TERT: variants seen among roughly 807,000 people sequenced by gnomAD.
The protein encoded by TERT is telomerase reverse transcriptase.
In TERT, 42 loss-of-function variants were observed where a neutral mutation model predicts 104.0. The observed-to-expected ratio is 0.40, with a 90% CI of 0.32 to 0.52. TERT has a LOEUF of 0.52. Among genes scored for constraint, TERT ranks in the 20% least tolerant of loss-of-function variants. TERT has a pLI of 0.43. For synonymous variants in TERT, 781 were observed against 725.6 expected, an observed-to-expected ratio of 1.08 and a Z score of -1.23; for missense variants, 1,101 against 1,610.3, an observed-to-expected ratio of 0.68 and a Z score of 5.41.
At chr5:1,259,422 A>G (rs1748025511) in intron 12 of TERT, among the ~76,000 whole-genome samples, 1 of 121,538 alleles carries the variant, frequency 8.2e-6, no homozygotes, top group African/African-American at 3.3e-5. Flanking sequence ...GGGGGAGTGG[A>G]CACGGACGCC....
chr5:1,279,234 T>C, intron 5 of TERT, 57 bp downstream of exon 5: 2 of 1,527,686 alleles, frequency 1.3e-6, no homozygotes, highest in Non-Finnish European at 1.8e-6. Flanking sequence ...GAGGTGCCAA[T>C]CAGGCAGCCA....
At chr5:1,289,532 G>A (rs71575531) in intron 2 of TERT, among the ~76,000 whole-genome samples, 2 of 46,814 alleles carry the variant, frequency 4.3e-5, no homozygotes, top group African/African-American at 1.1e-4. Flanking sequence ...CACGTGACAG[G>A]GACACCCGGG....
chr5:1,294,487 C>G lies in TERT; in HGVS notation c.399G>C (p.Gly133=), dbSNP rs767592753. 5 of 1,588,390 alleles carry G rather than the reference C, an allele frequency of 3.1e-6. No homozygotes were observed. The highest frequency in any genetic ancestry group is 2.7e-5 in the African/African-American group (2 of 74,748). Reference sequence around the variant, plus strand: ...GCAGCAGCAGCCCCCACGCCCCGCTCCCCCGCAGTGCGTCGGTCACCGTGT... The same window carrying G: ...GCAGCAGCAGCCCCCACGCCCCGCTGCCCCGCAGTGCGTCGGTCACCGTGT... ...LPNTVTDALR[G]SGAWGLLLRR... Residue 133 remains glycine, a synonymous_variant, in exon 2 of 16, where the codon GGG becomes GGC. Transcript: ENST00000310581.
chr5:1,294,288 C>A lies in TERT; in HGVS notation c.598G>T (p.Glu200Ter), dbSNP rs1322987070. 6.3e-7 allele frequency: 1 copy of A among 1,594,248 alleles called. No individual in the cohort carries two copies. Among genetic ancestry groups the A allele is most frequent in the Non-Finnish European group, 8.5e-7 (1 of 1,176,602 alleles). Residue 200 changes from glutamate (E) to a stop codon, truncating the protein, a stop_gained, in exon 2 of 16, where the codon GAA becomes TAA. Coordinates refer to ENST00000310581, the MANE Select transcript of TERT (RefSeq NM_198253.3). LOFTEE classifies it high-confidence loss of function. ...CTGACGCTATGGTTCCAGGCCCGTT[C>A]GCATCCCAGACGCCTTCGGGGTCCA... ...ASGPRRRLGC[E>*]RAWNHSVREA...
rs935629441 is a variant in TERT at position 1,270,580 on chromosome 5, C to A, written c.2468+539G>T. 6.6e-6 allele frequency among the ~76,000 whole-genome samples: 1 copy of A among 152,218 alleles called. No individual in the cohort carries two copies. The highest frequency in any genetic ancestry group is 1.5e-5 in the Non-Finnish European group (1 of 68,036). The stretch of plus-strand genomic sequence containing the variant: ...TCTCCCAGGCCGCCTGCCCCATGGC[C>A]ACCACAGGCCCCCCGAGAGGAGCAA... On this transcript the variant is annotated intron_variant, in intron 8 of 15. Transcript: ENST00000310581. This position sits in a 1 kb window ranked among gnomAD's most constrained non-coding sequence, Gnocchi z 8.3.
intron 4 of TERT, among the ~76,000 whole-genome samples, chr5:1,279,714 G>A (rs189083495): frequency 6.4e-4 from 98 of 152,338 alleles, no homozygotes; most frequent in Admixed American, 5.2e-3. Flanking sequence ...CTCAGATGAC[G>A]GGGTCACCGC....
intron 3 of TERT, 97 bp from the exon 4 acceptor site, chr5:1,280,435 C>A (rs1440498031): frequency 3.7e-6 from 5 of 1,348,394 alleles, no homozygotes; most frequent in Non-Finnish European, 5.1e-6. Flanking sequence ...TCAGTGAGGG[C>A]TCAGGGCACC....
Position 1,253,659 on chromosome 5 carries a change from T to C in TERT, c.*69A>G. On this transcript the variant is annotated 3_prime_UTR_variant, in exon 16 of 16. Transcript: ENST00000310581. ...TGGGTGTGGGCCGCCCCTCCCTCCC[T>C]GGGACGTAGAGCCCGGCGTGACAGG... 1.4e-6 allele frequency: 2 copies of C among 1,396,452 alleles called. No homozygotes were observed. Among genetic ancestry groups the C allele is most frequent in the Non-Finnish European group, 1.0e-6 (1 of 1,002,590 alleles). 86.5% of individuals were successfully genotyped at this position (1,396,452 alleles called of 1,614,324 possible).
intron 6 of TERT, among the ~76,000 whole-genome samples, chr5:1,277,171 C>T (rs965543871): frequency 2.6e-5 from 4 of 152,174 alleles, no homozygotes; most frequent in South Asian, 2.1e-4. Context: ...TTCAGGCCAG[C>T]GGCCACCGGA....
At position 1,280,072 on chromosome 5, in the gene TERT, T is replaced by C. The variant is rs1579576887; in HGVS notation, c.1950+86A>G. The C allele has an allele frequency of 3.9e-6, 6 of 1,554,280 alleles. No individual in the cohort carries two copies. In the East Asian group the frequency reaches 1.3e-4, roughly 35 times the overall value. On this transcript the variant is annotated intron_variant, in intron 4 of 15. Transcript: ENST00000310581. Reference sequence around the variant, plus strand: ...CCTGGCTGTGTCCCGTGGCCCCTCCTCCGGGCCCTTCATCTAAGCTGATAC... The same window carrying C: ...CCTGGCTGTGTCCCGTGGCCCCTCCCCCGGGCCCTTCATCTAAGCTGATAC...
chr5:1,266,336 T>C (rs1748598446), intron 10 of TERT, 128 bp downstream of exon 10: 1 of 930,262 alleles, frequency 1.1e-6, no homozygotes, highest in Non-Finnish European at 1.7e-6. Flanking sequence ...CTCTTGCGGA[T>C]CCAGCACCGG....
At position 1,283,862 on chromosome 5, in the gene TERT, C is replaced by T. The variant is rs1432501195; in HGVS notation, c.1574-1238G>A. ...ACCCTGGACCTGCACCATCCGGACA[C>T]GGGGACACCGCACATCCAGCTCACC... On this transcript the variant is annotated intron_variant, in intron 2 of 15. Transcript: ENST00000310581. Among the ~76,000 whole-genome samples the T allele has an allele frequency of 4.9e-5, 7 of 142,096 alleles. No individual in the cohort carries two copies. In the East Asian group the frequency reaches 1.3e-3, roughly 27 times the overall value. The allele number at this position is 142,096 out of a possible 152,430, so 93.2% of individuals were successfully genotyped here.
At position 1,255,355 on chromosome 5, in the gene TERT, G is replaced by C. The variant is rs377419542; in HGVS notation, c.3089C>G (p.Thr1030Arg). Reference sequence around the variant, plus strand: ...GTCAGAGATGACGCGCAGGAAAAATGTGGGGTTCTTCCAAACTTGCTGATG... The same window carrying C: ...GTCAGAGATGACGCGCAGGAAAAATCTGGGGTTCTTCCAAACTTGCTGATG... ...PFHQQVWKNP[T>R]FFLRVISDTA... Residue 1030 changes from threonine to arginine, a missense_variant, in exon 14 of 16, where the codon ACA becomes AGA. By Grantham distance (71) the Thr-to-Arg change is moderately conservative (BLOSUM62 -1). This residue lies in a region of TERT where 463 missense variants were observed against 797.5 expected (regional missense o/e 0.58). Coordinates refer to ENST00000310581, the MANE Select transcript of TERT (RefSeq NM_198253.3). The surrounding 1 kb of genome is among the most constrained non-coding windows in gnomAD (Gnocchi z 6.9). 6 of 1,614,110 alleles carry C rather than the reference G, an allele frequency of 3.7e-6. No homozygotes were observed. In the African/African-American group the frequency reaches 8.0e-5, roughly 22 times the overall value.
Position 1,287,508 on chromosome 5 carries a change from A to AAATATAT in TERT, c.1574-4885_1574-4884insATATATT, listed in dbSNP as rs1554041994. On this transcript the variant is annotated intron_variant, in intron 2 of 15. Coordinates refer to ENST00000310581, the MANE Select transcript of TERT (RefSeq NM_198253.3). The surrounding 1 kb of genome is among the most constrained non-coding windows in gnomAD (Gnocchi z 4.3). ...CCAAGACTCTGTCTCAAAAAAAAAA[A>AAATATAT]ATATATATATATATATATAAATTAA... Among the ~76,000 whole-genome samples the AAATATAT allele has an allele frequency of 4.3e-5, 6 of 140,714 alleles. No individual in the cohort carries two copies. Among genetic ancestry groups the AAATATAT allele is most frequent in the African/African-American group, 1.6e-4 (6 of 36,834 alleles). 92.3% of individuals were successfully genotyped at this position (140,714 alleles called of 152,430 possible).
rs2075786 is a variant in TERT, at chr5:1,266,195, A to G, written c.2654+269T>C. ...GACTTTCCAAAGAGCAGCAGGAGCC[A>G]GGTCACCGCCTGCACTCACCACGTG... On this transcript the variant is annotated intron_variant, in intron 10 of 15. Coordinates refer to ENST00000310581, the MANE Select transcript of TERT (RefSeq NM_198253.3). 0.54 allele frequency among the ~76,000 whole-genome samples: 82,867 copies of G among 152,090 alleles called. 23,749 individuals are homozygous for G. Among genetic ancestry groups the G allele is most frequent in the Non-Finnish European group, 0.65 (44,214 of 67,944 alleles).
chr5:1,276,540 C>T (rs534638483), intron 6 of TERT, among the ~76,000 whole-genome samples: 15 of 142,400 alleles, frequency 1.1e-4, no homozygotes, highest in South Asian at 2.3e-4. Context: ...CCACCTACCC[C>T]GCACATGAAA....
At chr5:1,273,151 TCAC>T (rs1363361702) in intron 6 of TERT, among the ~76,000 whole-genome samples, 1 of 4,300 alleles carries the variant, frequency 2.3e-4, no homozygotes, top group Non-Finnish European at 3.8e-4. Context: ...CCATCCACAG[TCAC>T]CACATCAGAC....
chr5:1,291,695 A>T (rs1750994743), intron 2 of TERT, among the ~76,000 whole-genome samples: 1 of 148,360 alleles, frequency 6.7e-6, no homozygotes, highest in Non-Finnish European at 1.5e-5. Context: ...GCCGCGCCTC[A>T]CTCACCCTAC....
chr5:1,279,761 T>TG (rs1404833375), intron 4 of TERT, among the ~76,000 whole-genome samples: 1 of 152,158 alleles, frequency 6.6e-6, no homozygotes, highest in Non-Finnish European at 1.5e-5. Context: ...GCAGGAGCCG[T>TG]GGGGCAAGGT....
Sources: gnomAD v4.1 joint callset for allele counts (sites outside exome capture counted in the v4.1 genomes callset) on GRCh38, gnomAD v4.1.1 for gene constraint, gnomAD v4.1.1 regional missense constraint, Gnocchi (gnomAD v3.1) non-coding constraint, MANE v1.5 for transcripts, NCBI Gene and HGNC (gene_info 2026-07-23, HGNC 2026-07-21) for gene names.